The following OLFM2 variants were observed in gnomAD, a reference collection of about 807,000 sequenced individuals.
OLFM2 encodes noelin-2.
A neutral mutation model predicts 43.9 loss-of-function variants in OLFM2; 20 were observed. That is an observed-to-expected ratio of 0.46 (90% CI 0.32 to 0.66). OLFM2 has a LOEUF of 0.66. Ranked by LOEUF, OLFM2 falls within the 30% of genes least tolerant of loss-of-function variation. OLFM2 has a pLI of 0.04. For missense variants in OLFM2, 416 were observed against 643.6 expected (o/e 0.65, Z 3.83); for synonymous variants, 268 against 278.6 (o/e 0.96, Z 0.38).
chr19:9,883,392 G>A (rs1568375000), intron 1 of OLFM2, among the ~76,000 whole-genome samples: 1 of 152,038 alleles, frequency 6.6e-6, no homozygotes. Flanking sequence ...CCAGCCTAGA[G>A]GCAGGCACGT....
chr19:9,877,831 AT>A (rs113203437), intron 1 of OLFM2, among the ~76,000 whole-genome samples: 34,209 of 149,932 alleles, frequency 0.23, 3,982 homozygotes, highest in South Asian at 0.28. Context: ...GGAAAAATAA[AT>A]TTTTTTTTTT....
In OLFM2 at chr19:9,922,893, A is replaced by G. The variant is rs910811218; in HGVS notation, c.63+13411T>C. ...GCCACAGCACTCCAGCCTGGGTGAC[A>G]GAGTGAGACCCTGTCTCAAAAAAAA... On this transcript the variant is annotated intron_variant, in intron 1 of 5. Coordinates refer to ENST00000264833, the MANE Select transcript of OLFM2 (RefSeq NM_058164.4). Among the ~76,000 whole-genome samples, 22 of 149,936 alleles carry G rather than the reference A, an allele frequency of 1.5e-4. 1 individual carries two copies. Among genetic ancestry groups the G allele is most frequent in the African/African-American group, 5.5e-4 (22 of 40,074 alleles).
chr19:9,917,837 A>G (rs1269772281), intron 1 of OLFM2, among the ~76,000 whole-genome samples: 2 of 151,824 alleles, frequency 1.3e-5, no homozygotes, highest in Non-Finnish European at 2.9e-5. Flanking sequence ...TACAATCTGA[A>G]CACCCCACCA....
chr19:9,868,845 A>G (rs1188532669), intron 1 of OLFM2, among the ~76,000 whole-genome samples: 2 of 152,042 alleles, frequency 1.3e-5, no homozygotes, highest in Non-Finnish European at 2.9e-5. Context: ...CTGAAGTAGG[A>G]GGATCACTTG....
Position 9,857,872 on chromosome 19 carries a change from G to A in OLFM2, c.214-11C>T, listed in dbSNP as rs758594460. The A allele has an allele frequency of 3.1e-6, 5 of 1,613,882 alleles. No individual in the cohort carries two copies. In the South Asian group the frequency reaches 4.4e-5, roughly 14 times the overall value. On this transcript the variant is annotated splice_polypyrimidine_tract_variant and intron_variant, in intron 2 of 5. Transcript: ENST00000264833. The surrounding 1 kb of genome is among the most constrained non-coding windows in gnomAD (Gnocchi z 5.7). ...GGAGACGTTCTGGACCTAGGAATGGGGACAACTGAAGGGACCAGACCTCCT... is the reference window on the plus strand; with the variant it reads ...GGAGACGTTCTGGACCTAGGAATGGAGACAACTGAAGGGACCAGACCTCCT...
intron 1 of OLFM2, among the ~76,000 whole-genome samples, chr19:9,898,071 A>AT (rs35231898): frequency 0.11 from 13,515 of 127,834 alleles, 1,493 homozygotes; most frequent in African/African-American, 0.27. Context: ...TGCCCAGCTA[A>AT]TTTTTTTTTT....
intron 1 of OLFM2, among the ~76,000 whole-genome samples, chr19:9,891,976 A>G (rs1308910690): frequency 1.3e-5 from 2 of 152,116 alleles, no homozygotes; most frequent in African/African-American, 4.8e-5. Context: ...ATAAGTGAGA[A>G]AACTCCAGGG....
intron 1 of OLFM2, among the ~76,000 whole-genome samples, chr19:9,915,709 G>A (rs1447702948): frequency 6.6e-6 from 1 of 151,708 alleles, no homozygotes; most frequent in Non-Finnish European, 1.5e-5. Context: ...TAGTAGAGAC[G>A]GGGTTTCACC....
At chr19:9,902,382 CT>C (rs376869987) in intron 1 of OLFM2, among the ~76,000 whole-genome samples, 262 of 122,652 alleles carry the variant, frequency 2.1e-3, no homozygotes, top group South Asian at 4.2e-3. Flanking sequence ...TTGCCTTCAT[CT>C]TTTTTTTTTT....
intron 1 of OLFM2, among the ~76,000 whole-genome samples, chr19:9,865,487 T>G (rs1439845167): frequency 1.6e-5 from 2 of 123,810 alleles, no homozygotes; most frequent in Admixed American, 8.0e-5. Flanking sequence ...TGTTTTTTCT[T>G]TTTTTTTTTT....
intron 1 of OLFM2, among the ~76,000 whole-genome samples, chr19:9,931,203 G>A (rs2086480052): frequency 6.6e-6 from 1 of 152,174 alleles, no homozygotes; most frequent in Admixed American, 6.5e-5. Flanking sequence ...CTAAACAACA[G>A]TGCCCTATCG....
At position 9,856,579 on chromosome 19, in the gene OLFM2, C is replaced by G. The variant is rs1235232745; in HGVS notation, c.687+228G>C. 6.6e-6 allele frequency among the ~76,000 whole-genome samples: 1 copy of G among 152,196 alleles called. No individual in the cohort carries two copies. Among genetic ancestry groups the G allele is most frequent in the Middle Eastern group, 3.2e-3 (1 of 316 alleles). ...AGAACTGGTCAGTAGAACTCAGTAA[C>G]CATTAGCCACTATACAGACACTGGA... On this transcript the variant is annotated intron_variant, in intron 5 of 5. Coordinates refer to ENST00000264833, the MANE Select transcript of OLFM2 (RefSeq NM_058164.4). The surrounding 1 kb of genome is among the most constrained non-coding windows in gnomAD (Gnocchi z 4.0).
At chr19:9,855,076 T>C (rs1467901240) in intron 5 of OLFM2, among the ~76,000 whole-genome samples, 1 of 152,124 alleles carries the variant, frequency 6.6e-6, no homozygotes, top group African/African-American at 2.4e-5. Context: ...AGTGACGTCT[T>C]ATCACTCAAT....
In OLFM2 at chr19:9,860,890, C is replaced by T. The variant is rs374588962; in HGVS notation, c.64-96G>A. The T allele has an allele frequency of 7.1e-5, 93 of 1,315,216 alleles. 1 individual carries two copies. The East Asian group carries it at 1.0e-3, about 14-fold the overall frequency. 81.5% of individuals were successfully genotyped at this position (1,315,216 alleles called of 1,614,324 possible). A position where few individuals can be genotyped will look rare whatever the true frequency, so the allele number is the denominator to read the frequency against. ...GGGGGCCCAAGGAAACCACAGATGC[C>T]CTTTGCTGGGCTCCGGGCATATGCC... On this transcript the variant is annotated intron_variant, in intron 1 of 5. Coordinates refer to ENST00000264833, the MANE Select transcript of OLFM2 (RefSeq NM_058164.4).
chr19:9,914,243 A>C (rs1480043557), intron 1 of OLFM2, among the ~76,000 whole-genome samples: 1 of 150,232 alleles, frequency 6.7e-6, no homozygotes. Flanking sequence ...CCACCCACCC[A>C]CTGTTGGGAC....
At chr19:9,892,534 A>C (rs1425133955) in intron 1 of OLFM2, among the ~76,000 whole-genome samples, 1 of 151,956 alleles carries the variant, frequency 6.6e-6, no homozygotes, top group East Asian at 1.9e-4. Flanking sequence ...AACATGGCAA[A>C]ACCCTGTCTC....
At chr19:9,865,831 A>G (rs1462709530) in intron 1 of OLFM2, among the ~76,000 whole-genome samples, 1 of 149,446 alleles carries the variant, frequency 6.7e-6, no homozygotes, top group South Asian at 2.1e-4. Flanking sequence ...AAAAAAAAAA[A>G]AAAACAAAGA....
chr19:9,905,440 G>A (rs899409262), intron 1 of OLFM2, among the ~76,000 whole-genome samples: 1 of 151,878 alleles, frequency 6.6e-6, no homozygotes, highest in Non-Finnish European at 1.5e-5. Flanking sequence ...CTGGGCAACA[G>A]AGCGAGACTC....
At chr19:9,890,327 G>A (rs897743794) in intron 1 of OLFM2, among the ~76,000 whole-genome samples, 2 of 152,212 alleles carry the variant, frequency 1.3e-5, no homozygotes, top group African/African-American at 4.8e-5. Context: ...AACAGAGACA[G>A]GGAGATCCCC....
Sources: gnomAD v4.1 joint callset for allele counts (sites outside exome capture counted in the v4.1 genomes callset) on GRCh38, gnomAD v4.1.1 for gene constraint, Gnocchi (gnomAD v3.1) non-coding constraint, MANE v1.5 for transcripts, NCBI Gene and HGNC (gene_info 2026-07-23, HGNC 2026-07-21) for gene names.